The following KALRN variants were observed in gnomAD, a reference collection of about 807,000 sequenced individuals.
KALRN encodes kalirin.
KALRN carries 70 observed loss-of-function variants against 353.7 expected under a neutral mutation model. That is an observed-to-expected ratio of 0.20 (90% CI 0.16 to 0.24). The LOEUF is 0.24. KALRN is among the 10% of genes least tolerant of loss of function. The pLI is 1.00. For missense variants in KALRN, 2,791 were observed against 3,756.7 expected, an observed-to-expected ratio of 0.74 and a Z score of 6.72; for synonymous variants, 1,391 against 1,434.8, an observed-to-expected ratio of 0.97 and a Z score of 0.69.
intron 25 of KALRN, among the ~76,000 whole-genome samples, chr3:124,468,832 C>T (rs75023370): frequency 0.014 from 2,063 of 152,294 alleles, 43 homozygotes; most frequent in African/African-American, 0.046. Flanking sequence ...AGGTAACTTG[C>T]AGAACCCATC....
At chr3:124,477,421 C>G in intron 27 of KALRN, 87 bp downstream of exon 27, 1 of 1,036,628 alleles carries the variant, frequency 9.6e-7, no homozygotes, top group South Asian at 1.4e-5. Context: ...ATTTAGCTAT[C>G]CTTTTTTCCT....
In KALRN at chr3:124,413,635, C is replaced by T. The variant is rs2092321555; in HGVS notation, c.2512C>T (p.His838Tyr). Residue 838 changes from histidine (H) to tyrosine (Y), a missense_variant, in exon 14 of 60, where the codon CAC (histidine) becomes TAC (tyrosine). Around this residue, in one of 11 missense-constraint regions of KALRN, gnomAD observed 452 missense variants for 575.8 expected, o/e 0.78. Transcript: ENST00000682506. ...GGTTATCCAGCAGGGACAGGATCTG[C>T]ACCAGTACATCACGGAGGTCCAGGC... ...FEVIQQGQDL[H>Y]QYITEVQASG... is the part of the protein sequence containing the mutation. 1.2e-6 allele frequency: 2 copies of T among 1,614,088 alleles called. No individual in the cohort carries two copies. The highest frequency in any genetic ancestry group is 1.7e-6 in the Non-Finnish European group (2 of 1,179,976).
intron 26 of KALRN, among the ~76,000 whole-genome samples, chr3:124,476,032 T>A (rs2061398872): frequency 6.6e-6 from 1 of 152,036 alleles, no homozygotes. Context: ...CAATCAGTCA[T>A]AAGAATGATT....
At chr3:124,352,383 CTG>C (rs1419459823) in intron 10 of KALRN, among the ~76,000 whole-genome samples, 1 of 152,168 alleles carries the variant, frequency 6.6e-6, no homozygotes, top group African/African-American at 2.4e-5. Context: ...TGTGCCTACT[CTG>C]TTAGTGTTCT....
intron 6 of KALRN, among the ~76,000 whole-genome samples, chr3:124,314,216 T>C (rs2078577048): frequency 6.6e-6 from 1 of 151,992 alleles, no homozygotes; most frequent in African/African-American, 2.4e-5. Context: ...TGGTTGAAGC[T>C]GGAAACCATC....
At chr3:124,497,807 C>G (rs2064032017) in intron 33 of KALRN, among the ~76,000 whole-genome samples, 1 of 152,136 alleles carries the variant, frequency 6.6e-6, no homozygotes, top group African/African-American at 2.4e-5. Context: ...CATGTTGAGA[C>G]ATAGATTATT....
intron 51 of KALRN, among the ~76,000 whole-genome samples, chr3:124,681,629 C>CTTTTTT (rs56934346): frequency 6.7e-4 from 70 of 103,704 alleles, no homozygotes; most frequent in Non-Finnish European, 8.6e-4. Context: ...CAGTGATTGT[C>CTTTTTT]TTTTTTTTTT....
intron 34 of KALRN, chr3:124,584,605 C>T: frequency 7.2e-7 from 1 of 1,395,702 alleles, no homozygotes; most frequent in Non-Finnish European, 9.3e-7. Flanking sequence ...CTTGGAACTC[C>T]GCCCCTTAGG....
chr3:124,131,070 T>C (rs72972633), intron 1 of KALRN, among the ~76,000 whole-genome samples: 2,823 of 152,278 alleles, frequency 0.019, 74 homozygotes, highest in African/African-American at 0.063. Context: ...TGTACCCTTA[T>C]GATTTGTATA....
At chr3:124,074,233 C>A (rs564240534) in intron 1 of KALRN, among the ~76,000 whole-genome samples, 1 of 152,280 alleles carries the variant, frequency 6.6e-6, no homozygotes, top group Admixed American at 6.5e-5. Flanking sequence ...TCCAATCATA[C>A]TCTATTGTTT....
intron 10 of KALRN, among the ~76,000 whole-genome samples, chr3:124,353,249 C>A (rs536083340): frequency 1.3e-5 from 2 of 151,958 alleles, no homozygotes; most frequent in African/African-American, 4.8e-5. Flanking sequence ...CCTTGCCCAC[C>A]GAAGATACTC....
intron 6 of KALRN, among the ~76,000 whole-genome samples, chr3:124,309,345 C>T (rs1332406192): frequency 6.6e-6 from 1 of 151,852 alleles, no homozygotes; most frequent in African/African-American, 2.4e-5. Flanking sequence ...AAGAAAACTA[C>T]AGACCAATAT....
chr3:124,126,828 C>CCCT (rs2149653692), intron 1 of KALRN, among the ~76,000 whole-genome samples: 1 of 152,284 alleles, frequency 6.6e-6, no homozygotes, highest in South Asian at 2.1e-4. Flanking sequence ...CCAAGAAAGC[C>CCCT]CCTAGCCCAC....
At chr3:124,331,095 G>A (rs527290642) in intron 8 of KALRN, among the ~76,000 whole-genome samples, 88 of 152,280 alleles carry the variant, frequency 5.8e-4, no homozygotes, top group African/African-American at 2.1e-3. Context: ...ACCACTTTGA[G>A]CCTGGTTTCA....
chr3:124,709,707 G>A (rs1360456499), intron 57 of KALRN, among the ~76,000 whole-genome samples: 1 of 152,198 alleles, frequency 6.6e-6, no homozygotes, highest in African/African-American at 2.4e-5. Flanking sequence ...GTTCCAATTT[G>A]AAAAACAGAA....
In KALRN at chr3:124,637,243, T is replaced by C. The variant is rs374478537; in HGVS notation, c.5604T>C (p.Thr1868=). 3 of 1,614,198 alleles carry C rather than the reference T, an allele frequency of 1.9e-6. No individual in the cohort carries two copies. The highest frequency in any genetic ancestry group is 1.7e-6 in the Non-Finnish European group (2 of 1,180,030). ...TGCTAGCAGCCCGGCAGGCTTCCAC[T>C]GAAGTACCTACTGCTGCAGACCTTG... The part of the protein sequence containing the change: ...SSLLAARQAS[T]EVPTAADLVN... The change falls in exon 37 of 60, where the codon ACT becomes ACC. Residue 1868 remains threonine (T), a synonymous_variant. Coordinates refer to ENST00000682506, the MANE Select transcript of KALRN (RefSeq NM_001388419.1).
intron 1 of KALRN, among the ~76,000 whole-genome samples, chr3:124,057,785 C>T (rs924313559): frequency 9.2e-5 from 14 of 152,148 alleles, no homozygotes; most frequent in Non-Finnish European, 1.8e-4. Context: ...ACCCGCTGTC[C>T]TTTCCATCGG....
chr3:124,679,466 C>T lies in KALRN; in HGVS notation c.7326C>T (p.Asn2442=), dbSNP rs778893509. 3.7e-6 allele frequency: 6 copies of T among 1,613,502 alleles called. No individual in the cohort carries two copies. Among genetic ancestry groups the T allele is most frequent in the Non-Finnish European group, 4.2e-6 (5 of 1,179,504 alleles). The change falls in exon 51 of 60, where the codon AAC becomes AAT. Residue 2442 remains asparagine, a synonymous_variant. Coordinates refer to ENST00000682506, the MANE Select transcript of KALRN (RefSeq NM_001388419.1). ...TCATGCTGCCAATCAAGGAGACGAA[C>T]AGTTCCGAGGAATCAGAGTGTGATG... ...LGNKVSVKET[N]SSEESECDDL...
rs1358897910 is a variant in KALRN at position 124,349,829 on chromosome 3, A to G, written c.1770+2564A>G. ...ATGCACCTTATGATGGACAAGATGC[A>G]GCACAGATCCACAATATCTGGTCCT... On this transcript the variant is annotated intron_variant, in intron 10 of 59. Coordinates refer to ENST00000682506, the MANE Select transcript of KALRN (RefSeq NM_001388419.1). Among the ~76,000 whole-genome samples, 6 of 152,364 alleles carry G rather than the reference A, an allele frequency of 3.9e-5. No homozygotes were observed. The East Asian group carries it at 9.6e-4, about 24-fold the overall frequency.
Sources: gnomAD v4.1 joint callset for allele counts (sites outside exome capture counted in the v4.1 genomes callset) on GRCh38, gnomAD v4.1.1 for gene constraint, gnomAD v4.1.1 regional missense constraint, MANE v1.5 for transcripts, NCBI Gene and HGNC (gene_info 2026-07-23, HGNC 2026-07-21) for gene names.